Variants in GSTA2 observed in about 807,000 individuals in gnomAD.
GSTA2 encodes glutathione S-transferase alpha 2, also known as glutathione S-transferase A2.
A neutral mutation model predicts 22.4 loss-of-function variants in GSTA2; 27 were observed. The observed-to-expected ratio is 1.21, with a 90% CI of 0.89 to 1.67. The LOEUF is 1.67. GSTA2 is among the 40% of genes most tolerant of loss of function. The pLI, the probability that GSTA2 is intolerant of heterozygous loss-of-function variation, is 0.00. For synonymous variants in GSTA2, 121 were observed against 86.8 expected (o/e 1.39, Z -2.19); for missense variants, 302 against 260.2 (o/e 1.16, Z -1.11).
chr6:52,756,200 C>T (rs1762840754), intron 3 of GSTA2, 58 bp downstream of exon 3: 3 of 1,267,754 alleles, frequency 2.4e-6, no homozygotes, highest in East Asian at 2.3e-5. Flanking sequence ...CTGCGCAAAC[C>T]TCCCCGTGTA....
At chr6:52,752,114 C>T (rs956950131) in intron 5 of GSTA2, among the ~76,000 whole-genome samples, 1 of 152,300 alleles carries the variant, frequency 6.6e-6, no homozygotes. Flanking sequence ...AGTGACTCCA[C>T]CATCGTGACA....
At position 52,752,966 on chromosome 6, in the gene GSTA2, T is replaced by C; in HGVS notation, c.302A>G (p.Asp101Gly). Residue 101 changes from aspartate to glycine, a missense_variant, in exon 5 of 7, where the codon GAT (aspartate) becomes GGT (glycine). Transcript: ENST00000493422. Reference protein sequence around the residue: ...LIDMYIEGIADLGEMILLLPF... With the variant: ...LIDMYIEGIAGLGEMILLLPF... ...CAGAAGAAGGATCATTTCACCCAAA[T>C]CTGCTATACCTTCTATATACATATC... 1 of 1,613,456 alleles carries C rather than the reference T, an allele frequency of 6.2e-7. No homozygotes were observed. Among genetic ancestry groups the C allele is most frequent in the Non-Finnish European group, 8.5e-7 (1 of 1,179,502 alleles).
At chr6:52,759,559 A>ATTTTTTTT (rs1561897333) in intron 1 of GSTA2, among the ~76,000 whole-genome samples, 7 of 30,928 alleles carry the variant, frequency 2.3e-4, no homozygotes, top group Admixed American at 7.0e-4. Context: ...TAATGTATTT[A>ATTTTTTTT]TTTGTTTTTT....
At chr6:52,755,214 A>AT (rs1762817705) in intron 3 of GSTA2, 139 bp from the exon 4 acceptor site, 7 of 873,986 alleles carry the variant, frequency 8.0e-6, no homozygotes, top group South Asian at 4.1e-5. Flanking sequence ...ACTTGAAACA[A>AT]CTTTTTTTTT....
At position 52,750,551 on chromosome 6, in the gene GSTA2, T is replaced by C. The variant is rs1263230741; in HGVS notation, c.*26A>G. The C allele has an allele frequency of 6.2e-7, 1 of 1,611,884 alleles. No individual in the cohort carries two copies. Among genetic ancestry groups the C allele is most frequent in the East Asian group, 2.2e-5 (1 of 44,854 alleles). ...AAAACTTTAGAATACTGGTCTTGCA[T>C]GTTCTTGACCTCTATGGCTGGTTTA... On this transcript the variant is annotated 3_prime_UTR_variant, in exon 7 of 7. Coordinates refer to ENST00000493422, the MANE Select transcript of GSTA2 (RefSeq NM_000846.5).
chr6:52,752,911 G>A lies in GSTA2; in HGVS notation c.357C>T (p.Ala119=), dbSNP rs2127285575. The A allele has an allele frequency of 1.2e-6, 2 of 1,614,024 alleles. No homozygotes were observed. The highest frequency in any genetic ancestry group is 1.7e-6 in the Non-Finnish European group (2 of 1,179,958). ...TTTTCTCTTGGATCAAGGCAAGCTT[G>A]GCATCTTGTTCCTCAGGTTGACTAA... The part of the protein sequence containing the change: ...LPFSQPEEQD[A]KLALIQEKTK... Residue 119 remains alanine, a synonymous_variant, in exon 5 of 7, where the codon GCC becomes GCT. Transcript: ENST00000493422.
At chr6:52,755,192 T>C in intron 3 of GSTA2, 117 bp from the exon 4 acceptor site, 1 of 1,307,974 alleles carries the variant, frequency 7.6e-7, no homozygotes, top group Admixed American at 2.2e-5. Flanking sequence ...AATTACTGCC[T>C]GGTAAGAGTT....
chr6:52,760,037 A>C (rs1383080623), intron 1 of GSTA2, among the ~76,000 whole-genome samples: 16 of 152,354 alleles, frequency 1.1e-4, no homozygotes, highest in African/African-American at 3.4e-4. Flanking sequence ...CCTGTTTTGT[A>C]ATTAGATATT....
At position 52,761,905 on chromosome 6, in the gene GSTA2, G is replaced by C. The variant is rs1323611088; in HGVS notation, c.-31+1539C>G. Among the ~76,000 whole-genome samples, 4 of 150,728 alleles carry C rather than the reference G, an allele frequency of 2.7e-5. 1 individual carries two copies. Among genetic ancestry groups the C allele is most frequent in the Admixed American group, 1.4e-4 (2 of 13,906 alleles). On this transcript the variant is annotated intron_variant, in intron 1 of 6. Coordinates refer to ENST00000493422, the MANE Select transcript of GSTA2 (RefSeq NM_000846.5). Reference sequence around the variant, plus strand: ...AAGTAGACATAAGAGACTCCATTTTGTTCTGTACTAAGAGAAATTCTTCTG... The same window carrying C: ...AAGTAGACATAAGAGACTCCATTTTCTTCTGTACTAAGAGAAATTCTTCTG...
intron 2 of GSTA2, 148 bp from the exon 3 acceptor site, chr6:52,756,457 T>G: frequency 1.6e-6 from 1 of 620,488 alleles, no homozygotes; most frequent in Non-Finnish European, 2.9e-6. Flanking sequence ...CATGGCCATT[T>G]GGAAATTTAG....
At chr6:52,758,061 A>C (rs1581775718) in intron 1 of GSTA2, 84 bp from the exon 2 acceptor site, 7 of 795,710 alleles carry the variant, frequency 8.8e-6, no homozygotes, top group Non-Finnish European at 8.3e-6. Context: ...TGAAAACCAC[A>C]AACAATGCTG....
At chr6:52,761,433 A>G (rs2749009) in intron 1 of GSTA2, among the ~76,000 whole-genome samples, 28,986 of 151,938 alleles carry the variant, frequency 0.19, 5,873 homozygotes, top group African/African-American at 0.51. Flanking sequence ...TCTATTATCT[A>G]TCTTGTATCC....
chr6:52,752,451 C>T (rs948347231), intron 5 of GSTA2, among the ~76,000 whole-genome samples: 3 of 152,194 alleles, frequency 2.0e-5, no homozygotes, highest in Admixed American at 2.0e-4. Flanking sequence ...CAATTGGTCT[C>T]CTGTCTTCCT....
At chr6:52,763,006 A>AT (rs544071561) in intron 1 of GSTA2, among the ~76,000 whole-genome samples, 7 of 152,118 alleles carry the variant, frequency 4.6e-5, no homozygotes, top group African/African-American at 7.2e-5. Flanking sequence ...ATTCAAACTA[A>AT]TTTTTTCTAA....
intron 5 of GSTA2, 31 bp from the exon 6 acceptor site, chr6:52,751,739 A>T: frequency 6.2e-7 from 1 of 1,613,998 alleles, no homozygotes; most frequent in Non-Finnish European, 8.5e-7. Context: ...GATCAGGAAC[A>T]CATGCCCACC....
Position 52,750,617 on chromosome 6 carries a change from T to G in GSTA2, c.629A>C (p.Glu210Ala), listed in dbSNP as rs6577. The stretch of plus-strand genomic sequence containing the variant: ...CTTCCTTGATTCTTCTAAAGATTTC[T>G]CATCCATGGGAGGCTTCCTTGGGCT... ...PGSPRKPPMD[E>A]KSLEESRKIF... The change falls in exon 7 of 7, where the codon GAG becomes GCG. Residue 210 changes from glutamate to alanine, a missense_variant. By Grantham distance (107) the Glu-to-Ala change is moderately radical (BLOSUM62 -1). Coordinates refer to ENST00000493422, the MANE Select transcript of GSTA2 (RefSeq NM_000846.5). The G allele has an allele frequency of 0.086, 138,473 of 1,613,556 alleles. 18,704 individuals are homozygous for G. The highest frequency in any genetic ancestry group is 0.63 in the African/African-American group (47,266 of 74,904).
intron 6 of GSTA2, among the ~76,000 whole-genome samples, chr6:52,750,907 AT>A (rs1379042030): frequency 5.9e-5 from 9 of 152,218 alleles, no homozygotes; most frequent in African/African-American, 2.2e-4. Flanking sequence ...ATGTCTTGAA[AT>A]TTTAATCAGT....
At chr6:52,756,166 C>T (rs563099242) in intron 3 of GSTA2, 92 bp downstream of exon 3, 799 of 800,602 alleles carry the variant, frequency 1.0e-3, no homozygotes, top group South Asian at 1.5e-3. Context: ...AAATACCATG[C>T]CCCACACCCA....
Position 52,757,068 on chromosome 6 carries a change from G to T in GSTA2, c.88-759C>A, listed in dbSNP as rs374265370. On this transcript the variant is annotated intron_variant, in intron 2 of 6. Coordinates refer to ENST00000493422, the MANE Select transcript of GSTA2 (RefSeq NM_000846.5). ...TAGGCTGCCCCAGGGCAGGGACTGTGTCTGTCTTGTTCACTATCTCCATGA... is the reference window on the plus strand; with the variant it reads ...TAGGCTGCCCCAGGGCAGGGACTGTTTCTGTCTTGTTCACTATCTCCATGA... Among the ~76,000 whole-genome samples, 12 of 129,520 alleles carry T rather than the reference G, an allele frequency of 9.3e-5. No individual in the cohort carries two copies. In the South Asian group the frequency reaches 3.2e-3, roughly 34 times the overall value. The allele number at this position is 129,520 out of a possible 152,430, so 85.0% of individuals were successfully genotyped here. A position where few individuals can be genotyped will look rare whatever the true frequency, so the allele number is the denominator to read the frequency against.
Sources: gnomAD v4.1 joint callset for allele counts (sites outside exome capture counted in the v4.1 genomes callset) on GRCh38, gnomAD v4.1.1 for gene constraint, MANE v1.5 for transcripts, NCBI Gene and HGNC (gene_info 2026-07-23, HGNC 2026-07-21) for gene names.